ANKRD22: variants seen among roughly 807,000 people sequenced by gnomAD.
ANKRD22 encodes the protein ankyrin repeat domain-containing protein 22.
A neutral mutation model predicts 25.7 loss-of-function variants in ANKRD22; 24 were observed. The ratio of observed to expected loss-of-function variants is 0.93; its 90% CI spans 0.68 to 1.31. The LOEUF (loss-of-function observed/expected upper bound fraction) is 1.31. Ranked by LOEUF, ANKRD22 falls within the 50% of genes most tolerant of loss-of-function variation. The pLI, the probability that ANKRD22 is intolerant of heterozygous loss-of-function variation, is 0.00. For missense variants in ANKRD22, 214 were observed against 227.1 expected, an observed-to-expected ratio of 0.94 and a Z score of 0.37; for synonymous variants, 84 against 84.3, an observed-to-expected ratio of 1.00 and a Z score of 0.02.
intron 1 of ANKRD22, among the ~76,000 whole-genome samples, chr10:88,832,418 C>A (rs988151410): frequency 4.7e-5 from 7 of 148,520 alleles, no homozygotes; most frequent in African/African-American, 1.8e-4. Flanking sequence ...AGACAAAATA[C>A]CTTTATCTTT....
rs756195255 is a variant in ANKRD22, at chr10:88,823,359, T to A, written c.419A>T (p.His140Leu). The change falls in exon 5 of 6, where the codon CAT becomes CTT. Residue 140 changes from histidine (H) to leucine (L), a missense_variant. Coordinates refer to ENST00000371930, the MANE Select transcript of ANKRD22 (RefSeq NM_144590.3). ...ATDCYGCTAL[H>L]YACEMKNQSL... The stretch of plus-strand genomic sequence containing the variant: ...CTGGTTTTTCATTTCACAGGCATAA[T>A]GTAATGCGGTACAGCCATACTGAAA... 17 of 1,613,938 alleles carry A rather than the reference T, an allele frequency of 1.1e-5. No individual in the cohort carries two copies. In the Admixed American group the frequency reaches 1.3e-4, roughly 13 times the overall value.
chr10:88,820,538 A>AG lies in ANKRD22; in HGVS notation c.*2402dup. 6.5e-7 allele frequency: 1 copy of AG among 1,533,902 alleles called. No homozygotes were observed. Among genetic ancestry groups the AG allele is most frequent in the Non-Finnish European group, 8.8e-7 (1 of 1,140,208 alleles). On this transcript the variant is annotated 3_prime_UTR_variant, in exon 6 of 6. Coordinates refer to ENST00000371930, the MANE Select transcript of ANKRD22 (RefSeq NM_144590.3). ...CTGACGATCTTAGGACAACCTCCTG[A>AG]GGGATGGGGCTAGGACCCATGAAGG...
In ANKRD22 at chr10:88,820,482, G is replaced by A. The variant is rs1442963658; in HGVS notation, c.*2459C>T. The A allele has an allele frequency of 9.7e-6, 15 of 1,551,008 alleles. No homozygotes were observed. The Admixed American group carries it at 9.8e-5, about 10-fold the overall frequency. On this transcript the variant is annotated 3_prime_UTR_variant, in exon 6 of 6. Transcript: ENST00000371930. The stretch of plus-strand genomic sequence containing the variant: ...GAGGAGACCAACCTTTCCCAGGGAC[G>A]GTGTGAGGCCGTATTGTGAAGCATC...
Position 88,820,831 on chromosome 10 carries a change from T to G in ANKRD22, c.*2110A>C, listed in dbSNP as rs1355334984. Among the ~76,000 whole-genome samples the G allele has an allele frequency of 6.6e-6, 1 of 152,180 alleles. No individual in the cohort carries two copies. Among genetic ancestry groups the G allele is most frequent in the Non-Finnish European group, 1.5e-5 (1 of 68,024 alleles). ...TCTATAAGCCATATTTTTGGAGCAC[T>G]AAAGTAAAATGGCAAATTGGGACAG... On this transcript the variant is annotated 3_prime_UTR_variant, in exon 6 of 6. Transcript: ENST00000371930.
chr10:88,823,475 T>A, intron 4 of ANKRD22, 97 bp from the exon 5 acceptor site: 1 of 881,824 alleles, frequency 1.1e-6, no homozygotes, highest in Non-Finnish European at 1.9e-6. Context: ...CACTTTGTAG[T>A]ATACAACTAA....
Position 88,835,167 on chromosome 10 carries a change from A to G in ANKRD22, c.22-3141T>C, listed in dbSNP as rs937259113. Among the ~76,000 whole-genome samples, 68 of 152,302 alleles carry G rather than the reference A, an allele frequency of 4.5e-4. 1 individual carries two copies. Among genetic ancestry groups the G allele is most frequent in the African/African-American group, 1.6e-3 (65 of 41,562 alleles). On this transcript the variant is annotated intron_variant, in intron 1 of 5. Coordinates refer to ENST00000371930, the MANE Select transcript of ANKRD22 (RefSeq NM_144590.3). ...TCAAAGTCTTTACTAAGAGCTAACT[A>G]AAAAGAAGAAGAGGAAAAGATGGGG...
chr10:88,829,702 T>C (rs1481924398), intron 2 of ANKRD22, among the ~76,000 whole-genome samples: 1 of 152,272 alleles, frequency 6.6e-6, no homozygotes, highest in African/African-American at 2.4e-5. Context: ...TGGCTTAGTA[T>C]TGAGTGGAAC....
intron 2 of ANKRD22, among the ~76,000 whole-genome samples, chr10:88,830,342 A>G (rs77230062): frequency 6.6e-6 from 1 of 152,150 alleles, no homozygotes; most frequent in South Asian, 2.1e-4. Flanking sequence ...AAAAACAAGG[A>G]TCTTTATGTT....
intron 1 of ANKRD22, among the ~76,000 whole-genome samples, chr10:88,849,654 T>C (rs969197913): frequency 4.6e-5 from 7 of 152,162 alleles, no homozygotes; most frequent in Non-Finnish European, 8.8e-5. Flanking sequence ...TTAATACATA[T>C]ATAAAGTGCT....
chr10:88,847,912 G>A (rs747644776), intron 1 of ANKRD22, among the ~76,000 whole-genome samples: 2 of 151,798 alleles, frequency 1.3e-5, no homozygotes, highest in Non-Finnish European at 2.9e-5. Context: ...TTGCTTTCAT[G>A]GGAAAAACTG....
chr10:88,834,350 G>A (rs1057077980), intron 1 of ANKRD22, among the ~76,000 whole-genome samples: 17 of 152,110 alleles, frequency 1.1e-4, no homozygotes, highest in African/African-American at 3.9e-4. Context: ...TAATCACCAG[G>A]GGGAAAGCAG....
rs1843808574 is a variant in ANKRD22, at chr10:88,822,544, C to CTTTGTTTTTTTTTTTTTTTTTTTTTT, written c.*396_*397insAAAAAAAAAAAAAAAAAAAAAACAAA. 2 of 36,438 alleles carry CTTTGTTTTTTTTTTTTTTTTTTTTTT rather than the reference C, an allele frequency of 5.5e-5. No individual in the cohort carries two copies. The highest frequency in any genetic ancestry group is 8.0e-5 in the African/African-American group (1 of 12,514). The allele number at this position is 36,438 out of a possible 1,614,324, so 2.3% of individuals were successfully genotyped here. On this transcript the variant is annotated 3_prime_UTR_variant, in exon 6 of 6. Transcript: ENST00000371930. ...AAAGACTGAGTTTGGAACACCAGGG[C>CTTTGTTTTTTTTTTTTTTTTTTTTTT]TTTTTTTTTTTTTTTTTTTTTTGAG...
At chr10:88,832,773 T>C (rs997035489) in intron 1 of ANKRD22, among the ~76,000 whole-genome samples, 3 of 151,928 alleles carry the variant, frequency 2.0e-5, no homozygotes, top group African/African-American at 7.3e-5. Flanking sequence ...ACCATGGGAG[T>C]TTAATAGCAA....
At chr10:88,825,192 A>T (rs1307971274) in intron 4 of ANKRD22, among the ~76,000 whole-genome samples, 1 of 152,246 alleles carries the variant, frequency 6.6e-6, no homozygotes, top group Non-Finnish European at 1.5e-5. Flanking sequence ...TAGGCATCAC[A>T]AATAGAATGT....
At chr10:88,827,262 C>G (rs147822172) in intron 3 of ANKRD22, among the ~76,000 whole-genome samples, 63 of 152,330 alleles carry the variant, frequency 4.1e-4, no homozygotes, top group Middle Eastern at 6.8e-3. Context: ...ATCATTTCCT[C>G]TCATGTCACT....
At chr10:88,845,746 T>C (rs552869708) in intron 1 of ANKRD22, among the ~76,000 whole-genome samples, 1 of 152,254 alleles carries the variant, frequency 6.6e-6, no homozygotes, top group Admixed American at 6.5e-5. Flanking sequence ...CTGTAACAGC[T>C]TCCTTCCAAG....
intron 1 of ANKRD22, among the ~76,000 whole-genome samples, chr10:88,842,142 C>A (rs1360336388): frequency 6.6e-6 from 1 of 152,040 alleles, no homozygotes; most frequent in African/African-American, 2.4e-5. Context: ...ATGTAAGTCT[C>A]CTTTGGGAAA....
intron 1 of ANKRD22, among the ~76,000 whole-genome samples, chr10:88,846,158 T>G (rs1335891699): frequency 1.3e-5 from 2 of 152,010 alleles, no homozygotes; most frequent in Non-Finnish European, 2.9e-5. Flanking sequence ...TTTTTTTTTC[T>G]CATTTGACAT....
intron 1 of ANKRD22, among the ~76,000 whole-genome samples, chr10:88,845,178 T>TC: frequency 6.6e-6 from 1 of 152,148 alleles, no homozygotes; most frequent in East Asian, 1.9e-4. Context: ...AAAATGTGTT[T>TC]CCCCCTCAAC....
Sources: allele counts gnomAD v4.1 joint callset (sites outside exome capture counted in the v4.1 genomes callset), GRCh38; gene constraint gnomAD v4.1.1; transcripts MANE v1.5; gene names NCBI Gene and HGNC (gene_info 2026-07-23, HGNC 2026-07-21).